PADI6: variants seen among roughly 807,000 people sequenced by gnomAD.
PADI6 encodes inactive protein-arginine deiminase type-6.
In PADI6, 66 loss-of-function variants were observed where a neutral mutation model predicts 78.2. The ratio of observed to expected loss-of-function variants is 0.84; its 90% confidence interval spans 0.69 to 1.04. The LOEUF (loss-of-function observed/expected upper bound fraction) is 1.04, where lower values mean the gene tolerates loss of function less well. Ranked by LOEUF, PADI6 falls within the 50% of genes least tolerant of loss-of-function variation. PADI6 has a pLI of 0.00. For missense variants in PADI6, 854 were observed against 866.1 expected, an observed-to-expected ratio of 0.99 and a Z score of 0.18; for synonymous variants, 397 against 346.9, an observed-to-expected ratio of 1.14 and a Z score of -1.60.
chr1:17,377,542 G>A (rs2075031174), intron 3 of PADI6, among the ~76,000 whole-genome samples: 1 of 152,204 alleles, frequency 6.6e-6, no homozygotes, highest in Non-Finnish European at 1.5e-5. Flanking sequence ...TCTGACAGAT[G>A]TCTGAAATGC....
At chr1:17,374,050 G>A (rs566711184) in intron 2 of PADI6, among the ~76,000 whole-genome samples, 1 of 152,148 alleles carries the variant, frequency 6.6e-6, no homozygotes, top group South Asian at 2.1e-4. Flanking sequence ...TCAATACCCA[G>A]GCCACACCCC....
At chr1:17,386,087 C>G (rs2075116419) in intron 6 of PADI6, among the ~76,000 whole-genome samples, 1 of 152,062 alleles carries the variant, frequency 6.6e-6, no homozygotes, top group African/African-American at 2.4e-5. Context: ...GCTAAGGCCT[C>G]CTGGGCAGCT....
chr1:17,375,357 T>C (rs2075004701), intron 2 of PADI6, 70 bp from the exon 3 acceptor site: 4 of 1,407,758 alleles, frequency 2.8e-6, no homozygotes, highest in Non-Finnish European at 3.9e-6. Flanking sequence ...ACTCGGCACA[T>C]GGCCTGGGGC....
chr1:17,378,658 G>A (rs1330111215), intron 3 of PADI6, among the ~76,000 whole-genome samples: 1 of 152,144 alleles, frequency 6.6e-6, no homozygotes, highest in Non-Finnish European at 1.5e-5. Flanking sequence ...AGGCTGGAGT[G>A]GAGTGGTGCG....
Position 17,398,654 on chromosome 1 carries a change from G to GCC in PADI6, c.1690-22_1690-21dup, listed in dbSNP as rs397957287. ...CCTGATGAGCTCTCCTTGCTCCCCC[G>GCC]CCCCCCCCCCCACCCACCCACCCAC... On this transcript the variant is annotated intron_variant, in intron 14 of 15. Coordinates refer to ENST00000619609, the MANE Select transcript of PADI6 (RefSeq NM_207421.4). 9 of 177,758 alleles carry GCC rather than the reference G, an allele frequency of 5.1e-5. 1 individual carries two copies. Among genetic ancestry groups the GCC allele is most frequent in the South Asian group, 1.5e-4 (3 of 19,802 alleles). 11.0% of individuals were successfully genotyped at this position (177,758 alleles called of 1,614,324 possible). A position where few individuals can be genotyped will look rare whatever the true frequency, so the allele number is the denominator to read the frequency against.
chr1:17,375,308 T>C, intron 2 of PADI6, 119 bp from the exon 3 acceptor site: 1 of 913,526 alleles, frequency 1.1e-6, no homozygotes, highest in Non-Finnish European at 1.7e-6. Flanking sequence ...TAGGTGAGAC[T>C]TCAGAAGCCA....
At chr1:17,388,706 G>A (rs960124081) in intron 7 of PADI6, 71 bp from the exon 8 acceptor site, 66 of 1,518,472 alleles carry the variant, frequency 4.3e-5, no homozygotes, top group Admixed American at 3.7e-4. Flanking sequence ...CTGAACGGCC[G>A]GAACCCTGGG....
At chr1:17,392,049 A>AG in intron 8 of PADI6, 65 bp from the exon 9 acceptor site, 2 of 1,330,764 alleles carry the variant, frequency 1.5e-6, no homozygotes, top group South Asian at 2.5e-5. Flanking sequence ...TCTTGGCACA[A>AG]GGAGGTCATA....
intron 1 of PADI6, among the ~76,000 whole-genome samples, chr1:17,372,810 C>T (rs1316410512): frequency 3.3e-5 from 5 of 151,912 alleles, no homozygotes; most frequent in African/African-American, 9.7e-5. Context: ...GTGCTTATTA[C>T]TAAGATGTAG....
rs944227730 is a variant in PADI6, at chr1:17,378,958, G to T, written c.368-962G>T. Among the ~76,000 whole-genome samples the T allele has an allele frequency of 4.2e-4, 61 of 143,692 alleles. 1 individual carries two copies. Among genetic ancestry groups the T allele is most frequent in the African/African-American group, 1.5e-3 (57 of 37,824 alleles). 94.3% of individuals were successfully genotyped at this position (143,692 alleles called of 152,430 possible). ...TTGTCATGTATTGAATTTTTTTTGGGGGGGGGGACAGAATCTTGCTCTGTC... is the reference window on the plus strand; with the variant it reads ...TTGTCATGTATTGAATTTTTTTTGGTGGGGGGGACAGAATCTTGCTCTGTC... On this transcript the variant is annotated intron_variant, in intron 3 of 15. Transcript: ENST00000619609.
chr1:17,383,777 T>C (rs2100300240), intron 6 of PADI6, among the ~76,000 whole-genome samples: 1 of 151,896 alleles, frequency 6.6e-6, no homozygotes, highest in South Asian at 2.1e-4. Context: ...AAGGCAGAGG[T>C]TGCAGTGAGC....
At chr1:17,383,851 T>G (rs907305365) in intron 6 of PADI6, among the ~76,000 whole-genome samples, 6 of 150,974 alleles carry the variant, frequency 4.0e-5, no homozygotes, top group African/African-American at 1.2e-4. Flanking sequence ...TTAAAAAAAC[T>G]TATTCAACAA....
At chr1:17,388,112 AG>A (rs1163254552) in intron 6 of PADI6, among the ~76,000 whole-genome samples, 1 of 152,200 alleles carries the variant, frequency 6.6e-6, no homozygotes, top group Non-Finnish European at 1.5e-5. Context: ...GGAGCCTTGA[AG>A]GCATCATCAC....
chr1:17,376,368 T>G (rs747309066), intron 3 of PADI6, among the ~76,000 whole-genome samples: 8 of 151,052 alleles, frequency 5.3e-5, no homozygotes, highest in Non-Finnish European at 1.2e-4. Context: ...GGCGCGATCT[T>G]GGCTCACTGC....
At chr1:17,393,490 G>T (rs6678121) in intron 9 of PADI6, among the ~76,000 whole-genome samples, 91,519 of 151,928 alleles carry the variant, frequency 0.6, 27,832 homozygotes, top group South Asian at 0.67. Context: ...GCTTGTTAAT[G>T]GATTCTTTAC....
chr1:17,394,494 G>T, intron 11 of PADI6, 40 bp downstream of exon 11: 1 of 1,591,588 alleles, frequency 6.3e-7, no homozygotes, highest in South Asian at 1.1e-5. Flanking sequence ...GAAAGGAAGG[G>T]ACCATGGTCG....
intron 14 of PADI6, 75 bp downstream of exon 14, chr1:17,397,216 C>A: frequency 6.5e-7 from 1 of 1,537,080 alleles, no homozygotes; most frequent in Non-Finnish European, 8.9e-7. Flanking sequence ...TTTCCACCCA[C>A]CCCTCCTGAG....
chr1:17,381,887 C>T (rs1037691676), intron 5 of PADI6, 80 bp from the exon 6 acceptor site: 3 of 1,545,374 alleles, frequency 1.9e-6, no homozygotes, highest in South Asian at 1.1e-5. Context: ...AACTCCCGGC[C>T]CCTCTCTACT....
Position 17,388,567 on chromosome 1 carries a change from C to A in PADI6, c.858+8C>A, listed in dbSNP as rs773685317. 1 of 1,600,190 alleles carries A rather than the reference C, an allele frequency of 6.2e-7. No homozygotes were observed. Among genetic ancestry groups the A allele is most frequent in the Admixed American group, 1.7e-5 (1 of 59,544 alleles). On this transcript the variant is annotated splice_region_variant and intron_variant, in intron 7 of 15. Coordinates refer to ENST00000619609, the MANE Select transcript of PADI6 (RefSeq NM_207421.4). ...GAGGAGTCTCAAGACCCGGTATGTC[C>A]CCATAATAGATGGGTCCTCAGACTA...
Sources: gnomAD v4.1 joint callset for allele counts (sites outside exome capture counted in the v4.1 genomes callset) on GRCh38, gnomAD v4.1.1 for gene constraint, MANE v1.5 for transcripts, NCBI Gene and HGNC (gene_info 2026-07-23, HGNC 2026-07-21) for gene names.